Variants in XXYLT1 observed in about 807,000 individuals in gnomAD.
XXYLT1 encodes the protein UDP-xylose:alpha-xyloside alpha-1,3-xylosyltransferase.
In XXYLT1, 20 loss-of-function variants were observed where a neutral mutation model predicts 28.9. That is an observed-to-expected ratio of 0.69 (90% CI 0.49 to 1.00). XXYLT1 has a LOEUF of 1.00. Among genes scored for constraint, XXYLT1 ranks in the 50% least tolerant of loss-of-function variants. The probability of loss-of-function intolerance (pLI) is 0.00; values close to 1 mark genes in which losing one functional copy is unlikely to be tolerated. For missense variants in XXYLT1, 542 were observed against 560.1 expected (o/e 0.97, Z 0.33); for synonymous variants, 257 against 253.8 (o/e 1.01, Z -0.12).
intron 3 of XXYLT1, among the ~76,000 whole-genome samples, chr3:195,121,796 C>T (rs973854843): frequency 6.6e-6 from 1 of 152,312 alleles, no homozygotes; most frequent in East Asian, 1.9e-4. Flanking sequence ...CATCAACTGG[C>T]CCTGTGACCT....
intron 2 of XXYLT1, among the ~76,000 whole-genome samples, chr3:195,212,422 C>T (rs1459034604): frequency 1.3e-5 from 2 of 152,218 alleles, no homozygotes. Flanking sequence ...ACACACAGAA[C>T]AGGCTGGGTT....
Position 195,109,897 on chromosome 3 carries a change from TGG to T in XXYLT1, c.786-39788_786-39787del, listed in dbSNP as rs1169681182. The stretch of plus-strand genomic sequence containing the variant: ...TGTGTGCATGTGTGTGGGTGAGGTG[TGG>T]GTGTGTGTGGTGTGTGTGGGGGTAT... On this transcript the variant is annotated intron_variant, in intron 3 of 3. Transcript: ENST00000310380. Among the ~76,000 whole-genome samples the T allele has an allele frequency of 3.0e-4, 17 of 56,748 alleles. 2 individuals are homozygous for T. Among genetic ancestry groups the T allele is most frequent in the African/African-American group, 8.6e-4 (16 of 18,538 alleles). 37.2% of individuals were successfully genotyped at this position (56,748 alleles called of 152,430 possible).
At chr3:195,081,646 C>T (rs1715441099) in intron 3 of XXYLT1, among the ~76,000 whole-genome samples, 1 of 152,230 alleles carries the variant, frequency 6.6e-6, no homozygotes, top group African/African-American at 2.4e-5. Flanking sequence ...ACTCTCTGTG[C>T]TGCAGGCTTC....
chr3:195,226,277 C>A (rs1156706902), intron 2 of XXYLT1, among the ~76,000 whole-genome samples: 1 of 152,228 alleles, frequency 6.6e-6, no homozygotes, highest in Non-Finnish European at 1.5e-5. Context: ...TCGTAATTTG[C>A]ACCTCTCACA....
chr3:195,145,541 G>C (rs1719797051), intron 3 of XXYLT1, among the ~76,000 whole-genome samples: 1 of 135,200 alleles, frequency 7.4e-6, no homozygotes, highest in Non-Finnish European at 1.5e-5. Flanking sequence ...TCTCTGTGAA[G>C]CCACATGAAC....
chr3:195,138,816 C>T (rs1484277334), intron 3 of XXYLT1, among the ~76,000 whole-genome samples: 3 of 142,110 alleles, frequency 2.1e-5, no homozygotes, highest in African/African-American at 8.0e-5. Context: ...AATTGCACCA[C>T]TGCAGTCCAG....
chr3:195,103,401 C>CGTCCATCACCCCACGCCAGCGGCCTGT (rs1716910537), intron 3 of XXYLT1, among the ~76,000 whole-genome samples: 2 of 150,886 alleles, frequency 1.3e-5, no homozygotes, highest in Admixed American at 1.3e-4. Flanking sequence ...CAGCGGCCTG[C>CGTCCATCACCCCACGCCAGCGGCCTGT]GTCCATCACC....
At chr3:195,145,952 G>T (rs970940361) in intron 3 of XXYLT1, among the ~76,000 whole-genome samples, 3 of 152,230 alleles carry the variant, frequency 2.0e-5, no homozygotes, top group African/African-American at 7.2e-5. Flanking sequence ...ACAGTAAGCA[G>T]CTCATTTAAA....
intron 1 of XXYLT1, among the ~76,000 whole-genome samples, chr3:195,265,194 AC>A (rs746874066): frequency 2.6e-5 from 4 of 152,144 alleles, no homozygotes; most frequent in Non-Finnish European, 5.9e-5. Context: ...ACATAGTGAA[AC>A]GCCATCTCTG....
intron 2 of XXYLT1, among the ~76,000 whole-genome samples, chr3:195,207,272 G>A (rs1723114188): frequency 6.6e-6 from 1 of 152,216 alleles, no homozygotes; most frequent in Admixed American, 6.5e-5. Flanking sequence ...ACTGCAGATG[G>A]AGGCCACCAG....
intron 2 of XXYLT1, among the ~76,000 whole-genome samples, chr3:195,171,127 G>A (rs958102403): frequency 6.6e-6 from 1 of 152,204 alleles, no homozygotes; most frequent in African/African-American, 2.4e-5. Context: ...AGCAGCCAAC[G>A]GGCTTCCCTC....
chr3:195,258,310 C>T (rs1725554743), intron 1 of XXYLT1, among the ~76,000 whole-genome samples: 1 of 152,186 alleles, frequency 6.6e-6, no homozygotes, highest in Non-Finnish European at 1.5e-5. Context: ...GATCCATGAG[C>T]GTCTCCCCAG....
chr3:195,199,169 C>T (rs889169368), intron 2 of XXYLT1, among the ~76,000 whole-genome samples: 1 of 150,996 alleles, frequency 6.6e-6, no homozygotes, highest in African/African-American at 2.5e-5. Flanking sequence ...CAGGAGAGGC[C>T]GTGTGGGCAG....
intron 3 of XXYLT1, among the ~76,000 whole-genome samples, chr3:195,119,703 G>A (rs1718243033): frequency 6.6e-6 from 1 of 152,156 alleles, no homozygotes; most frequent in African/African-American, 2.4e-5. Context: ...TCACTCCGCA[G>A]AACAATGCTG....
chr3:195,232,230 TCTC>T (rs1457710299), intron 1 of XXYLT1, among the ~76,000 whole-genome samples: 2 of 152,156 alleles, frequency 1.3e-5, no homozygotes. Flanking sequence ...AGTTGTAATA[TCTC>T]CTTTTTCATC....
chr3:195,128,979 A>G (rs903348142), intron 3 of XXYLT1, among the ~76,000 whole-genome samples: 1 of 152,242 alleles, frequency 6.6e-6, no homozygotes, highest in African/African-American at 2.4e-5. Flanking sequence ...CCCATGCGAG[A>G]CGAGTCATTT....
In XXYLT1 at chr3:195,256,706, G is replaced by A. The variant is rs188587045; in HGVS notation, c.504+13849C>T. ...CCCACTCCTCTTATGATGAGAAACT[G>A]AGGCAAAGACATCAGAAGGCCTTGC... is the stretch of plus-strand genomic sequence containing the variant. On this transcript the variant is annotated intron_variant, in intron 1 of 3. Transcript: ENST00000310380. The surrounding 1 kb of genome is among the most constrained non-coding windows in gnomAD (Gnocchi z 4.2). 3.2e-3 allele frequency among the ~76,000 whole-genome samples: 486 copies of A among 152,304 alleles called. 2 individuals are homozygous for A. The highest frequency in any genetic ancestry group is 0.011 in the African/African-American group (467 of 41,556).
intron 2 of XXYLT1, among the ~76,000 whole-genome samples, chr3:195,205,250 C>A (rs553294731): frequency 1.3e-5 from 2 of 152,344 alleles, no homozygotes; most frequent in East Asian, 3.9e-4. Flanking sequence ...ATACTAGCCG[C>A]AAACTGGGGA....
intron 3 of XXYLT1, among the ~76,000 whole-genome samples, chr3:195,080,280 G>A (rs934926963): frequency 1.3e-5 from 2 of 152,198 alleles, no homozygotes; most frequent in Non-Finnish European, 2.9e-5. Flanking sequence ...GATGCCCACA[G>A]CCCTCTGGAC....
Sources: allele counts gnomAD v4.1 joint callset (sites outside exome capture counted in the v4.1 genomes callset), GRCh38; gene constraint gnomAD v4.1.1; non-coding constraint Gnocchi (gnomAD v3.1); transcripts MANE v1.5; gene names NCBI Gene and HGNC (gene_info 2026-07-23, HGNC 2026-07-21).